MTA1: variants seen among roughly 807,000 people sequenced by gnomAD.
MTA1 encodes the protein metastasis-associated protein MTA1.
In MTA1, 15 loss-of-function variants were observed where a neutral mutation model predicts 97.0. The ratio of observed to expected loss-of-function variants is 0.15; its 90% CI spans 0.10 to 0.24. The LOEUF (loss-of-function observed/expected upper bound fraction) is 0.24, where lower values mean the gene tolerates loss of function less well. Among genes scored for constraint, MTA1 ranks in the 10% least tolerant of loss-of-function variants. MTA1 has a pLI of 1.00. For synonymous variants in MTA1, 435 were observed against 417.5 expected, an observed-to-expected ratio of 1.04 and a Z score of -0.51; for missense variants, 709 against 1,015.1, an observed-to-expected ratio of 0.70 and a Z score of 4.10.
At chr14:105,468,825 C>T (rs2083704946) in intron 18 of MTA1, 5 of 272,440 alleles carry the variant, frequency 1.8e-5, no homozygotes, top group East Asian at 1.0e-4. Flanking sequence ...GGGAGGGCAG[C>T]GGCGGTCCTG....
At chr14:105,421,987 C>T (rs1388634519) in intron 1 of MTA1, among the ~76,000 whole-genome samples, 1 of 152,238 alleles carries the variant, frequency 6.6e-6, no homozygotes, top group African/African-American at 2.4e-5. Context: ...TGCTGCTGGT[C>T]TCTTTTCCTG....
intron 1 of MTA1, among the ~76,000 whole-genome samples, chr14:105,436,067 G>A (rs1324394927): frequency 1.3e-5 from 2 of 152,160 alleles, no homozygotes; most frequent in African/African-American, 2.4e-5. Flanking sequence ...TCAGGAGTTT[G>A]AGACCAGCCT....
In MTA1 at chr14:105,465,091, C is replaced by A; in HGVS notation, c.1535-3C>A. 6.6e-7 allele frequency: 1 copy of A among 1,510,316 alleles called. No homozygotes were observed. The highest frequency in any genetic ancestry group is 8.9e-7 in the Non-Finnish European group (1 of 1,123,724). The allele number at this position is 1,510,316 out of a possible 1,614,324, so 93.6% of individuals were successfully genotyped here. On this transcript the variant is annotated splice_region_variant and splice_polypyrimidine_tract_variant and intron_variant, in intron 15 of 20. Coordinates refer to ENST00000331320, the MANE Select transcript of MTA1 (RefSeq NM_004689.4). ...ACCCCTCACACCGTGTGGTACCCCG[C>A]AGGCACGGCGCGGCTGCCCGAAGCC... is the stretch of plus-strand genomic sequence containing the variant.
intron 19 of MTA1, 111 bp downstream of exon 19, chr14:105,469,609 G>A: frequency 7.4e-7 from 1 of 1,354,424 alleles, no homozygotes; most frequent in Middle Eastern, 1.8e-4. Context: ...GCTTCCAGGA[G>A]GCCTGGCAAG....
intron 1 of MTA1, among the ~76,000 whole-genome samples, chr14:105,421,184 T>G (rs2081822380): frequency 6.6e-6 from 1 of 152,088 alleles, no homozygotes; most frequent in Non-Finnish European, 1.5e-5. Context: ...GCCTCCCCTG[T>G]CCTCTCAGAG....
At position 105,470,236 on chromosome 14, in the gene MTA1, C is replaced by T. The variant is rs781850084; in HGVS notation, c.*21C>T. The T allele has an allele frequency of 2.6e-5, 39 of 1,480,588 alleles. No homozygotes were observed. The Admixed American group carries it at 3.3e-4, about 12-fold the overall frequency. 91.7% of individuals were successfully genotyped at this position (1,480,588 alleles called of 1,614,324 possible). ...ACTAGGGGCCGCCCCCACCTGCGGC[C>T]GCCCCCCGCCCCTCGCCCGCCCACA... On this transcript the variant is annotated 3_prime_UTR_variant, in exon 21 of 21. Coordinates refer to ENST00000331320, the MANE Select transcript of MTA1 (RefSeq NM_004689.4).
At chr14:105,436,557 G>A (rs1387743904) in intron 1 of MTA1, among the ~76,000 whole-genome samples, 1 of 152,122 alleles carries the variant, frequency 6.6e-6, no homozygotes, top group Non-Finnish European at 1.5e-5. Flanking sequence ...GCTTGTAGGT[G>A]GCCCCACTGC....
intron 6 of MTA1, among the ~76,000 whole-genome samples, chr14:105,451,133 G>A (rs1555428578): frequency 6.6e-6 from 1 of 152,168 alleles, no homozygotes; most frequent in Non-Finnish European, 1.5e-5. Context: ...TGCTGGATGC[G>A]GCCCCCACCC....
chr14:105,426,973 G>A (rs1452796209), intron 1 of MTA1, among the ~76,000 whole-genome samples: 3 of 152,228 alleles, frequency 2.0e-5, no homozygotes, highest in Admixed American at 6.5e-5. Context: ...CTGGTCTCCT[G>A]TCTCTGACCA....
intron 9 of MTA1, 132 bp from the exon 10 acceptor site, chr14:105,460,633 T>C: frequency 8.1e-7 from 1 of 1,233,646 alleles, no homozygotes; most frequent in Non-Finnish European, 1.1e-6. Flanking sequence ...CAGACTGTGC[T>C]GAGGGTGCAG....
rs7143366 is a variant in MTA1 at position 105,463,106 on chromosome 14, C to T, written c.943-78C>T. 0.97 allele frequency: 1,392,356 copies of T among 1,437,846 alleles called. 683,892 individuals carry two copies. The highest frequency in any genetic ancestry group is 1 in the Non-Finnish European group (1,033,664 of 1,035,044). 89.1% of individuals were successfully genotyped at this position (1,437,846 alleles called of 1,614,324 possible). On this transcript the variant is annotated intron_variant, in intron 10 of 20. Transcript: ENST00000331320. The surrounding 1 kb of genome is among the most constrained non-coding windows in gnomAD (Gnocchi z 5.9). Reference sequence around the variant, plus strand: ...CCCGCCCCCTCTGTGGCCTTCTGGCCGCAGCCCTGCCCCTGCCTGCATGGT... The same window carrying T: ...CCCGCCCCCTCTGTGGCCTTCTGGCTGCAGCCCTGCCCCTGCCTGCATGGT...
intron 1 of MTA1, among the ~76,000 whole-genome samples, chr14:105,423,034 C>T (rs1555421351): frequency 6.6e-6 from 1 of 152,134 alleles, no homozygotes; most frequent in Non-Finnish European, 1.5e-5. Context: ...CTGGGTTGAA[C>T]ATGAAGATGT....
intron 15 of MTA1, 38 bp downstream of exon 15, chr14:105,464,901 G>A (rs376081485): frequency 9.8e-6 from 15 of 1,523,132 alleles, no homozygotes; most frequent in South Asian, 1.2e-5. Flanking sequence ...CTGTTCCTGC[G>A]GGTGGTGGGG....
At chr14:105,423,633 C>T (rs782741425) in intron 1 of MTA1, among the ~76,000 whole-genome samples, 5 of 152,366 alleles carry the variant, frequency 3.3e-5, no homozygotes, top group South Asian at 2.1e-4. Flanking sequence ...CCTGCAGGGC[C>T]GCGGGCTCTG....
At chr14:105,469,419 A>AGGG (rs779894651) in intron 18 of MTA1, 48 bp from the exon 19 acceptor site, 282 of 1,605,576 alleles carry the variant, frequency 1.8e-4, no homozygotes, top group Non-Finnish European at 2.3e-4. Flanking sequence ...GTGGGAGTGC[A>AGGG]GGACGCGCTC....
chr14:105,463,088 C>T lies in MTA1; in HGVS notation c.943-96C>T, dbSNP rs1211354761. 6.4e-6 allele frequency: 8 copies of T among 1,256,000 alleles called. No individual in the cohort carries two copies. The Admixed American group carries it at 1.2e-4, about 19-fold the overall frequency. 77.8% of individuals were successfully genotyped at this position (1,256,000 alleles called of 1,614,324 possible). On this transcript the variant is annotated intron_variant, in intron 10 of 20. Transcript: ENST00000331320. The surrounding 1 kb of genome is among the most constrained non-coding windows in gnomAD (Gnocchi z 5.9). The stretch of plus-strand genomic sequence containing the variant: ...CACCTCGCCCTCTGGCCTCCCGCCC[C>T]CTCTGTGGCCTTCTGGCCGCAGCCC...
intron 10 of MTA1, among the ~76,000 whole-genome samples, chr14:105,462,661 G>A (rs587721887): frequency 5.3e-5 from 8 of 152,196 alleles, no homozygotes; most frequent in African/African-American, 1.7e-4. Flanking sequence ...TTGAGGTCAG[G>A]AGTTCGAGAC....
intron 9 of MTA1, 139 bp downstream of exon 9, chr14:105,460,596 G>A: frequency 8.4e-7 from 1 of 1,190,634 alleles, no homozygotes; most frequent in Non-Finnish European, 1.1e-6. Context: ...ACCTGGACTG[G>A]CCTTTCCTAT....
rs782559128 is a variant in MTA1, at chr14:105,424,112, G to A, written c.28+4049G>A. On this transcript the variant is annotated intron_variant, in intron 1 of 20. Transcript: ENST00000331320. This position sits in a 1 kb window ranked among gnomAD's most constrained non-coding sequence, Gnocchi z 4.0. ...CTGTGAGGATCGGCCTCAGCACTGC[G>A]CCATTGGCAGCCCTGGCTCACTCTC... Among the ~76,000 whole-genome samples the A allele has an allele frequency of 2.0e-5, 3 of 152,252 alleles. No individual in the cohort carries two copies. Among genetic ancestry groups the A allele is most frequent in the Non-Finnish European group, 4.4e-5 (3 of 68,046 alleles).
Sources: allele counts gnomAD v4.1 joint callset (sites outside exome capture counted in the v4.1 genomes callset), GRCh38; gene constraint gnomAD v4.1.1; non-coding constraint Gnocchi (gnomAD v3.1); transcripts MANE v1.5; gene names NCBI Gene and HGNC (gene_info 2026-07-23, HGNC 2026-07-21).